Variants in COL25A1 observed in about 807,000 individuals in gnomAD.
The protein encoded by COL25A1 is collagen alpha-1(XXV) chain.
COL25A1 carries 103 observed loss-of-function variants against 128.4 expected under a neutral mutation model. The ratio of observed to expected loss-of-function variants is 0.80; its 90% confidence interval spans 0.68 to 0.94. The LOEUF (loss-of-function observed/expected upper bound fraction) is 0.94, where lower values mean the gene tolerates loss of function less well. Ranked by LOEUF, COL25A1 falls within the 40% of genes least tolerant of loss-of-function variation. COL25A1 has a pLI of 0.00. For synonymous variants in COL25A1, 279 were observed against 277.2 expected (o/e 1.01, Z -0.06); for missense variants, 745 against 840.0 (o/e 0.89, Z 1.40).
At chr4:109,241,719 G>T (rs763269372) in intron 3 of COL25A1, among the ~76,000 whole-genome samples, 3 of 151,548 alleles carry the variant, frequency 2.0e-5, no homozygotes, top group Non-Finnish European at 4.4e-5. Context: ...TGTCCTTTTT[G>T]AGCTTACAGA....
In COL25A1 at chr4:108,970,357, A is replaced by T. The variant is rs147041686; in HGVS notation, c.492+4010T>A. Among the ~76,000 whole-genome samples the T allele has an allele frequency of 2.0e-5, 3 of 152,214 alleles. No individual in the cohort carries two copies. In the South Asian group the frequency reaches 6.2e-4, roughly 32 times the overall value. ...ATATAACTTCAATCCAAAATTTTCC[A>T]TCTATATGACACAATATTTTACTTA... On this transcript the variant is annotated intron_variant, in intron 8 of 37. Transcript: ENST00000399132.
chr4:108,950,164 A>T (rs1218740685), intron 8 of COL25A1, among the ~76,000 whole-genome samples: 1 of 152,210 alleles, frequency 6.6e-6, no homozygotes, highest in East Asian at 1.9e-4. Flanking sequence ...AGGAGGCATG[A>T]GGAGGCAGAG....
At chr4:108,923,043 G>A (rs982797070) in intron 11 of COL25A1, among the ~76,000 whole-genome samples, 4 of 152,096 alleles carry the variant, frequency 2.6e-5, no homozygotes, top group South Asian at 2.1e-4. Flanking sequence ...ACACGTGTGC[G>A]CATGCATGCA....
At chr4:109,039,730 G>T (rs1235309611) in intron 5 of COL25A1, among the ~76,000 whole-genome samples, 1 of 152,168 alleles carries the variant, frequency 6.6e-6, no homozygotes, top group Non-Finnish European at 1.5e-5. Context: ...AGAGGGTGTG[G>T]TATGTATTAA....
chr4:109,220,612 G>A (rs1490581279), intron 3 of COL25A1, among the ~76,000 whole-genome samples: 4 of 152,054 alleles, frequency 2.6e-5, no homozygotes, highest in Non-Finnish European at 5.9e-5. Context: ...TATTTGATAA[G>A]CATATAGAAA....
chr4:109,014,009 A>G (rs1311047637), intron 5 of COL25A1, among the ~76,000 whole-genome samples: 1 of 152,178 alleles, frequency 6.6e-6, no homozygotes, highest in African/African-American at 2.4e-5. Flanking sequence ...CTGCAAACTC[A>G]GAAATGTGAA....
At chr4:109,087,265 A>G (rs1764485474) in intron 3 of COL25A1, among the ~76,000 whole-genome samples, 1 of 152,138 alleles carries the variant, frequency 6.6e-6, no homozygotes, top group African/African-American at 2.4e-5. Flanking sequence ...TCAAAACCAA[A>G]AAACTCTCTT....
intron 3 of COL25A1, among the ~76,000 whole-genome samples, chr4:109,233,874 A>G (rs1035089804): frequency 6.6e-5 from 10 of 152,064 alleles, no homozygotes; most frequent in African/African-American, 2.4e-4. Context: ...CATCTACTCA[A>G]CAATTTCATG....
intron 6 of COL25A1, among the ~76,000 whole-genome samples, chr4:109,001,387 C>CTGTCAGGTAGGCATCTGAGATCA (rs1755367587): frequency 4.6e-5 from 7 of 152,292 alleles, no homozygotes; most frequent in Non-Finnish European, 7.4e-5. Flanking sequence ...ATCTGAGATC[C>CTGTCAGGTAGGCATCTGAGATCA]TGTCAGGTAG....
intron 12 of COL25A1, among the ~76,000 whole-genome samples, chr4:108,919,952 G>A (rs1488215602): frequency 6.6e-6 from 1 of 152,022 alleles, no homozygotes; most frequent in Non-Finnish European, 1.5e-5. Context: ...AGTAGAGATG[G>A]GGTTTCACCA....
At chr4:109,006,075 A>T (rs1755938157) in intron 6 of COL25A1, among the ~76,000 whole-genome samples, 1 of 152,242 alleles carries the variant, frequency 6.6e-6, no homozygotes, top group African/African-American at 2.4e-5. Context: ...CAAAATTTCA[A>T]GTTCCTGTTA....
At chr4:109,027,375 C>A (rs760388866) in intron 5 of COL25A1, among the ~76,000 whole-genome samples, 1 of 151,954 alleles carries the variant, frequency 6.6e-6, no homozygotes, top group East Asian at 1.9e-4. Context: ...ACTGACAGTG[C>A]GTCTGGACTA....
chr4:109,134,747 A>G (rs1769548491), intron 3 of COL25A1, among the ~76,000 whole-genome samples: 1 of 152,138 alleles, frequency 6.6e-6, no homozygotes, highest in African/African-American at 2.4e-5. Context: ...AGGTGCAGAG[A>G]AGGAGCAAGT....
chr4:109,226,560 G>C (rs540440294), intron 3 of COL25A1, among the ~76,000 whole-genome samples: 3 of 151,874 alleles, frequency 2.0e-5, no homozygotes, highest in African/African-American at 7.3e-5. Context: ...TTAGGGGTGC[G>C]GGCCATAATC....
chr4:109,002,574 G>A (rs1755550592), intron 6 of COL25A1, among the ~76,000 whole-genome samples: 1 of 152,094 alleles, frequency 6.6e-6, no homozygotes, highest in Non-Finnish European at 1.5e-5. Context: ...TGGTAAAAGG[G>A]TACAAATTTT....
intron 3 of COL25A1, among the ~76,000 whole-genome samples, chr4:109,067,278 C>G (rs1458496217): frequency 6.6e-6 from 1 of 152,172 alleles, no homozygotes; most frequent in Non-Finnish European, 1.5e-5. Flanking sequence ...ACCCTTTCAT[C>G]TGACTCACTA....
intron 16 of COL25A1, among the ~76,000 whole-genome samples, chr4:108,890,567 GTCA>G (rs1219393916): frequency 1.3e-5 from 2 of 152,194 alleles, no homozygotes; most frequent in African/African-American, 4.8e-5. Context: ...CTGAAATGAA[GTCA>G]GCAAAGGGCC....
At chr4:109,288,698 C>G (rs1724130825) in intron 3 of COL25A1, among the ~76,000 whole-genome samples, 1 of 152,048 alleles carries the variant, frequency 6.6e-6, no homozygotes, top group African/African-American at 2.4e-5. Context: ...AAAGTGGTGT[C>G]TGCCTCAAAC....
intron 11 of COL25A1, among the ~76,000 whole-genome samples, chr4:108,935,034 G>T (rs1375549176): frequency 6.6e-6 from 1 of 152,170 alleles, no homozygotes; most frequent in Non-Finnish European, 1.5e-5. Flanking sequence ...AAATTGAGAG[G>T]TTAAGTGACT....
Sources: gnomAD v4.1 joint callset for allele counts (sites outside exome capture counted in the v4.1 genomes callset) on GRCh38, gnomAD v4.1.1 for gene constraint, MANE v1.5 for transcripts, NCBI Gene and HGNC (gene_info 2026-07-23, HGNC 2026-07-21) for gene names.